TENM3: variants seen among roughly 807,000 people sequenced by gnomAD.
TENM3 encodes the protein teneurin-3.
In TENM3, 63 loss-of-function variants were observed where a neutral mutation model predicts 255.1. The ratio of observed to expected loss-of-function variants is 0.25; its 90% CI spans 0.20 to 0.30. The LOEUF is 0.30. Ranked by LOEUF, TENM3 falls within the 10% of genes least tolerant of loss-of-function variation. The probability of loss-of-function intolerance (pLI) is 1.00; values close to 1 mark genes in which losing one functional copy is unlikely to be tolerated. For missense variants in TENM3, 2,929 were observed against 3,461.1 expected (o/e 0.85, Z 3.86); for synonymous variants, 1,306 against 1,322.3 (o/e 0.99, Z 0.27).
At chr4:182,306,949 C>T (rs951359728) in intron 1 of TENM3, among the ~76,000 whole-genome samples, 2 of 152,194 alleles carry the variant, frequency 1.3e-5, no homozygotes, top group African/African-American at 4.8e-5. Context: ...TCAGTTAACA[C>T]TCTGTAACAT....
At chr4:182,237,362 G>A (rs556969970) in intron 1 of TENM3, among the ~76,000 whole-genome samples, 1 of 130,358 alleles carries the variant, frequency 7.7e-6, no homozygotes. Context: ...TTTAAACCCA[G>A]ACATTCTGTT....
chr4:182,058,756 A>C, the TENM3 span, among the ~76,000 whole-genome samples: 965 of 152,224 alleles, frequency 6.3e-3, 6 homozygotes, highest in African/African-American at 0.022. Flanking sequence ...GAAATTATTT[A>C]AGGTTCTTAA....
chr4:182,133,008 T>A, the TENM3 span, among the ~76,000 whole-genome samples: 4 of 152,158 alleles, frequency 2.6e-5, no homozygotes, highest in Non-Finnish European at 5.9e-5. Flanking sequence ...CAAGAAAACA[T>A]GCGTGTAGGC....
the TENM3 span, among the ~76,000 whole-genome samples, chr4:181,674,866 T>C: frequency 6.6e-6 from 1 of 152,150 alleles, no homozygotes; most frequent in African/African-American, 2.4e-5. Flanking sequence ...CTTATATGTA[T>C]TGCATAGTGA....
At chr4:182,464,418 A>G (rs1255992331) in intron 3 of TENM3, among the ~76,000 whole-genome samples, 1 of 151,986 alleles carries the variant, frequency 6.6e-6, no homozygotes. Context: ...TGCCATGTCC[A>G]GCTAATTTTT....
intron 1 of TENM3, among the ~76,000 whole-genome samples, chr4:182,151,464 A>G (rs925390870): frequency 4.6e-5 from 7 of 152,122 alleles, no homozygotes; most frequent in African/African-American, 1.7e-4. Flanking sequence ...AGGTAGAAAA[A>G]AATTGGCAAG....
At chr4:182,455,383 C>T (rs1337654769) in intron 3 of TENM3, among the ~76,000 whole-genome samples, 2 of 151,936 alleles carry the variant, frequency 1.3e-5, no homozygotes, top group East Asian at 1.9e-4. Flanking sequence ...TCCACACTGT[C>T]GTCACAGTTG....
rs112381359 is a variant in TENM3 at position 182,722,925 on chromosome 4, G to A, written c.2369-6040G>A. Among the ~76,000 whole-genome samples, 446 of 152,298 alleles carry A rather than the reference G, an allele frequency of 2.9e-3. 1 individual carries two copies. Among genetic ancestry groups the A allele is most frequent in the African/African-American group, 0.01 (420 of 41,564 alleles). On this transcript the variant is annotated intron_variant, in intron 13 of 27. Transcript: ENST00000511685. ...TTAGGTGCCAGAAAAAGGAAGAGACGAGGAGTCCAGGATAACGTTCAGGTT... is the reference window on the plus strand; with the variant it reads ...TTAGGTGCCAGAAAAAGGAAGAGACAAGGAGTCCAGGATAACGTTCAGGTT...
chr4:181,958,925 T>C, the TENM3 span, among the ~76,000 whole-genome samples: 1 of 152,186 alleles, frequency 6.6e-6, no homozygotes, highest in Non-Finnish European at 1.5e-5. Flanking sequence ...TATAAACGTA[T>C]TTCAATAACT....
At chr4:181,857,457 G>A in the TENM3 span, among the ~76,000 whole-genome samples, 1 of 149,204 alleles carries the variant, frequency 6.7e-6, no homozygotes, top group Non-Finnish European at 1.5e-5. Context: ...GCTCATGCCT[G>A]TAATCCCAGC....
At chr4:182,347,966 C>T (rs115790745) in intron 3 of TENM3, among the ~76,000 whole-genome samples, 224 of 152,262 alleles carry the variant, frequency 1.5e-3, no homozygotes, top group African/African-American at 4.9e-3. Context: ...ACTTTGTCAG[C>T]TTTGCTTTGT....
At chr4:182,314,966 T>G (rs2150441122) in intron 1 of TENM3, among the ~76,000 whole-genome samples, 1 of 152,348 alleles carries the variant, frequency 6.6e-6, no homozygotes, top group African/African-American at 2.4e-5. Flanking sequence ...TTCAGTGCCC[T>G]GTTTAGGGTT....
chr4:182,528,650 T>C (rs1231353112), intron 3 of TENM3, among the ~76,000 whole-genome samples: 1 of 152,176 alleles, frequency 6.6e-6, no homozygotes, highest in Non-Finnish European at 1.5e-5. Flanking sequence ...AACAAACCAA[T>C]TTTGTATTAC....
chr4:181,997,084 A>C, the TENM3 span, among the ~76,000 whole-genome samples: 2 of 152,208 alleles, frequency 1.3e-5, no homozygotes, highest in Admixed American at 1.3e-4. Flanking sequence ...GTGGAGAGGC[A>C]GAAGACAACC....
At chr4:181,538,319 A>C in the TENM3 span, among the ~76,000 whole-genome samples, 4 of 152,138 alleles carry the variant, frequency 2.6e-5, no homozygotes, top group African/African-American at 9.7e-5. Flanking sequence ...TTACTCACTT[A>C]TTCATTTATT....
intron 5 of TENM3, among the ~76,000 whole-genome samples, chr4:182,646,684 G>A (rs1752775713): frequency 6.6e-6 from 1 of 152,194 alleles, no homozygotes; most frequent in South Asian, 2.1e-4. Flanking sequence ...GGAGGCTGCA[G>A]TGAGCCGGGA....
At chr4:181,952,886 C>T in the TENM3 span, among the ~76,000 whole-genome samples, 1 of 152,210 alleles carries the variant, frequency 6.6e-6, no homozygotes, top group Non-Finnish European at 1.5e-5. Context: ...GGACCTCATC[C>T]TCATTCCAGA....
At chr4:182,110,130 A>C in the TENM3 span, among the ~76,000 whole-genome samples, 260 of 140,732 alleles carry the variant, frequency 1.8e-3, 1 homozygote, top group Non-Finnish European at 3.1e-3. Flanking sequence ...AAAAAAAAAA[A>C]TACATGAAAT....
At chr4:181,898,056 C>T in the TENM3 span, among the ~76,000 whole-genome samples, 1 of 152,180 alleles carries the variant, frequency 6.6e-6, no homozygotes, top group African/African-American at 2.4e-5. Flanking sequence ...GACGTAGGCA[C>T]CATTAGAAAT....
Sources: gnomAD v4.1 joint callset for allele counts (sites outside exome capture counted in the v4.1 genomes callset) on GRCh38, gnomAD v4.1.1 for gene constraint, MANE v1.5 for transcripts, NCBI Gene and HGNC (gene_info 2026-07-23, HGNC 2026-07-21) for gene names.